The following COL5A2 variants were observed in gnomAD, a reference collection of about 807,000 sequenced individuals.
COL5A2 encodes the protein collagen type V alpha 2 chain, also known as collagen alpha-2(V) chain.
A neutral mutation model predicts 208.2 loss-of-function variants in COL5A2; 23 were observed. The ratio of observed to expected loss-of-function variants is 0.11; its 90% CI spans 0.08 to 0.16. The LOEUF (loss-of-function observed/expected upper bound fraction) is 0.16, where lower values mean the gene tolerates loss of function less well. Ranked by LOEUF, COL5A2 falls within the 10% of genes least tolerant of loss-of-function variation. COL5A2 has a pLI of 1.00. For missense variants in COL5A2, 1,590 were observed against 1,956.4 expected (o/e 0.81, Z 3.53); for synonymous variants, 625 against 628.5 (o/e 0.99, Z 0.08).
chr2:189,358,028 C>T, the COL5A2 span, among the ~76,000 whole-genome samples: 1 of 152,144 alleles, frequency 6.6e-6, no homozygotes, highest in East Asian at 1.9e-4. Flanking sequence ...CCCCACCCTG[C>T]TTCAGCTCAC....
chr2:189,291,009 G>A, the COL5A2 span, among the ~76,000 whole-genome samples: 8 of 152,130 alleles, frequency 5.3e-5, no homozygotes, highest in East Asian at 1.5e-3. Context: ...ATGTTTCAGA[G>A]TTTTCTATAC....
chr2:189,087,068 TTAAG>T (rs1484276377), intron 8 of COL5A2, among the ~76,000 whole-genome samples: 1 of 152,230 alleles, frequency 6.6e-6, no homozygotes, highest in Non-Finnish European at 1.5e-5. Context: ...GATGGTTCTG[TTAAG>T]TAAGAACATC....
chr2:189,068,746 C>A (rs769965537), intron 19 of COL5A2, 40 bp downstream of exon 19: 16 of 1,392,036 alleles, frequency 1.1e-5, no homozygotes, highest in Admixed American at 1.7e-5. Context: ...AAGAAATGTC[C>A]AGCTTTCTGG....
intron 52 of COL5A2, 36 bp downstream of exon 52, chr2:189,036,578 AGT>A: frequency 6.6e-7 from 1 of 1,511,702 alleles, no homozygotes; most frequent in South Asian, 1.2e-5. Context: ...AGTAGTAAAA[AGT>A]AAAGAATACA....
At chr2:189,435,296 C>T in the COL5A2 span, among the ~76,000 whole-genome samples, 4 of 152,184 alleles carry the variant, frequency 2.6e-5, no homozygotes, top group Non-Finnish European at 2.9e-5. Context: ...ACACCAAAAG[C>T]AATGGCAACA....
At chr2:189,090,218 T>TG (rs1686754639) in intron 7 of COL5A2, among the ~76,000 whole-genome samples, 2 of 152,214 alleles carry the variant, frequency 1.3e-5, no homozygotes, top group Non-Finnish European at 2.9e-5. Context: ...TTTAGTAGTC[T>TG]GGATAGAAGA....
intron 1 of COL5A2, among the ~76,000 whole-genome samples, chr2:189,217,133 G>C (rs1460520426): frequency 6.6e-6 from 1 of 152,090 alleles, no homozygotes; most frequent in Non-Finnish European, 1.5e-5. Context: ...TACAGATAAT[G>C]AAACAGTTCC....
the COL5A2 span, among the ~76,000 whole-genome samples, chr2:189,415,560 T>C: frequency 6.6e-6 from 1 of 152,228 alleles, no homozygotes; most frequent in South Asian, 2.1e-4. Flanking sequence ...ATTGTCAACT[T>C]CACCTTTAAT....
chr2:189,217,956 G>C (rs1416707456), intron 1 of COL5A2, among the ~76,000 whole-genome samples: 1 of 152,142 alleles, frequency 6.6e-6, no homozygotes, highest in Non-Finnish European at 1.5e-5. Flanking sequence ...CAGGAATTTG[G>C]AATCATGGTC....
intron 1 of COL5A2, among the ~76,000 whole-genome samples, chr2:189,135,438 G>T (rs1687809578): frequency 6.6e-6 from 1 of 152,142 alleles, no homozygotes; most frequent in South Asian, 2.1e-4. Context: ...AAGAAATACT[G>T]CCTAAGCTTG....
At chr2:189,234,773 G>A in the COL5A2 span, among the ~76,000 whole-genome samples, 1 of 151,692 alleles carries the variant, frequency 6.6e-6, no homozygotes, top group African/African-American at 2.4e-5. Flanking sequence ...GTTCTTATCT[G>A]TAAAATGAGA....
the COL5A2 span, among the ~76,000 whole-genome samples, chr2:189,395,898 CAAAAAAAAAAAAAAAAAAA>C: frequency 7.5e-5 from 4 of 53,210 alleles, no homozygotes; most frequent in South Asian, 2.4e-3. Context: ...GGACACATCT[CAAAAAAAAAAAAAAAAAAA>C]AAAAAAAAAA....
rs1685453282 is a variant in COL5A2, at chr2:189,036,859, A to T, written c.3926-56T>A. On this transcript the variant is annotated intron_variant, in intron 51 of 53. Coordinates refer to ENST00000374866, the MANE Select transcript of COL5A2 (RefSeq NM_000393.5). ...AAAGACAATCTCAATCATGACTATA[A>T]GTCTCCAAAAGAATTAACAGAGGGT... The T allele has an allele frequency of 2.3e-6, 3 of 1,287,672 alleles. No homozygotes were observed. In the Admixed American group the frequency reaches 5.8e-5, roughly 25 times the overall value. 79.8% of individuals were successfully genotyped at this position (1,287,672 alleles called of 1,614,324 possible).
At chr2:189,299,109 A>G in the COL5A2 span, among the ~76,000 whole-genome samples, 1 of 152,184 alleles carries the variant, frequency 6.6e-6, no homozygotes, top group African/African-American at 2.4e-5. Context: ...AGTCAGGAAA[A>G]TAAATATTGT....
upstream of COL5A2, among the ~76,000 whole-genome samples, chr2:189,226,719 G>T (rs139684441): frequency 3.3e-5 from 5 of 152,156 alleles, no homozygotes; most frequent in South Asian, 8.3e-4. Flanking sequence ...CCACAGTATC[G>T]CAGACAGAGG....
At chr2:189,229,498 A>T (rs1401585635), upstream of COL5A2, among the ~76,000 whole-genome samples, 1 of 151,732 alleles carries the variant, frequency 6.6e-6, no homozygotes, top group Non-Finnish European at 1.5e-5. Flanking sequence ...AGGATACAAA[A>T]ATCAACATAC....
At chr2:189,321,927 G>T in the COL5A2 span, among the ~76,000 whole-genome samples, 1 of 152,190 alleles carries the variant, frequency 6.6e-6, no homozygotes, top group South Asian at 2.1e-4. Flanking sequence ...ATAGTTGGAA[G>T]TAAAGCACTC....
At chr2:189,436,533 A>C in the COL5A2 span, among the ~76,000 whole-genome samples, 1 of 152,220 alleles carries the variant, frequency 6.6e-6, no homozygotes, top group South Asian at 2.1e-4. Flanking sequence ...ATAATAATAA[A>C]AAAAGATACA....
chr2:189,185,352 A>G (rs929503683), intron 1 of COL5A2, among the ~76,000 whole-genome samples: 18 of 152,200 alleles, frequency 1.2e-4, no homozygotes, highest in African/African-American at 4.1e-4. Context: ...AAAGATCTGT[A>G]TGGCATGTAA....
Sources: allele counts gnomAD v4.1 joint callset (sites outside exome capture counted in the v4.1 genomes callset), GRCh38; gene constraint gnomAD v4.1.1; transcripts MANE v1.5; gene names NCBI Gene and HGNC (gene_info 2026-07-23, HGNC 2026-07-21).